SUMF1: variants seen among roughly 807,000 people sequenced by gnomAD.
The protein encoded by SUMF1 is formylglycine-generating enzyme.
A neutral mutation model predicts 47.6 loss-of-function variants in SUMF1; 48 were observed. The ratio of observed to expected loss-of-function variants is 1.01; its 90% CI spans 0.80 to 1.28. SUMF1 has a LOEUF of 1.28. SUMF1 is among the 50% of genes most tolerant of loss of function. SUMF1 has a pLI of 0.00. For missense variants in SUMF1, 571 were observed against 485.4 expected, an observed-to-expected ratio of 1.18 and a Z score of -1.66; for synonymous variants, 230 against 192.1, an observed-to-expected ratio of 1.20 and a Z score of -1.63.
At chr3:4,426,266 G>C (rs780407022) in intron 3 of SUMF1, among the ~76,000 whole-genome samples, 1 of 152,190 alleles carries the variant, frequency 6.6e-6, no homozygotes, top group Non-Finnish European at 1.5e-5. Context: ...CACTGTGATG[G>C]TCAGATGCAG....
chr3:4,091,242 T>C (rs1371577954), intron 8 of SUMF1, among the ~76,000 whole-genome samples: 1 of 152,138 alleles, frequency 6.6e-6, no homozygotes, highest in African/African-American at 2.4e-5. Context: ...TTGTAGCTTC[T>C]AAGAACCTAT....
chr3:4,453,676 G>A (rs984844682), intron 1 of SUMF1, among the ~76,000 whole-genome samples: 5 of 151,924 alleles, frequency 3.3e-5, no homozygotes, highest in Non-Finnish European at 5.9e-5. Flanking sequence ...TGGGATTACA[G>A]GCGCCCACCA....
At chr3:4,173,923 A>G (rs1694895591) in intron 8 of SUMF1, among the ~76,000 whole-genome samples, 1 of 152,156 alleles carries the variant, frequency 6.6e-6, no homozygotes, top group African/African-American at 2.4e-5. Flanking sequence ...GAAATACCTA[A>G]TGTAAGTGAC....
At chr3:4,182,215 G>A (rs1295332658) in intron 8 of SUMF1, among the ~76,000 whole-genome samples, 2 of 151,936 alleles carry the variant, frequency 1.3e-5, no homozygotes, top group Admixed American at 1.3e-4. Context: ...GATGGAATAT[G>A]TCTACATTAA....
chr3:4,328,153 G>T (rs1698982529), intron 8 of SUMF1, among the ~76,000 whole-genome samples: 1 of 152,136 alleles, frequency 6.6e-6, no homozygotes, highest in African/African-American at 2.4e-5. Flanking sequence ...GTAGGTTCAG[G>T]CTGTGATCAG....
chr3:4,044,452 C>G (rs1225705406), intron 9 of SUMF1, among the ~76,000 whole-genome samples: 1 of 152,166 alleles, frequency 6.6e-6, no homozygotes, highest in Admixed American at 6.5e-5. Context: ...TACAGGCCTA[C>G]AGAATTGGTA....
intron 8 of SUMF1, among the ~76,000 whole-genome samples, chr3:4,159,303 G>T (rs1392800798): frequency 2.1e-5 from 3 of 145,664 alleles, no homozygotes; most frequent in Admixed American, 6.8e-5. Flanking sequence ...TGCATCCATT[G>T]CATGTTTTTT....
chr3:4,375,740 T>C lies in SUMF1; in HGVS notation c.1014+590A>G, dbSNP rs76156910. Among the ~76,000 whole-genome samples, 1,137 of 152,246 alleles carry C rather than the reference T, an allele frequency of 7.5e-3. 38 individuals are homozygous for C. Among genetic ancestry groups the C allele is most frequent in the Admixed American group, 0.055 (834 of 15,276 alleles). ...CAAAGAAAAAAGGGAAGGGATGGTA[T>C]TCTATTTCCAAATTCCTTATAAAGG... On this transcript the variant is annotated intron_variant, in intron 8 of 8. Coordinates refer to ENST00000272902, the MANE Select transcript of SUMF1 (RefSeq NM_182760.4).
At position 4,362,107 on chromosome 3, in the gene SUMF1, G is replaced by T; in HGVS notation, c.*37C>A. 2 of 1,589,490 alleles carry T rather than the reference G, an allele frequency of 1.3e-6. No homozygotes were observed. The highest frequency in any genetic ancestry group is 1.3e-5 in the African/African-American group (1 of 74,526). On this transcript the variant is annotated 3_prime_UTR_variant, in exon 9 of 9. Transcript: ENST00000272902. ...GAAAAGCCCAATGTAGGTCAGACAC[G>T]ACTGCTCCTTGGACTGGGGAAGACT...
chr3:4,138,816 G>C (rs1294450693), intron 8 of SUMF1, among the ~76,000 whole-genome samples: 1 of 152,014 alleles, frequency 6.6e-6, no homozygotes, highest in East Asian at 1.9e-4. Context: ...GGTTCTGTAA[G>C]TCATTCTAGT....
rs190486632 is a variant in SUMF1, at chr3:4,283,340, C to G, written c.1014+92990G>C. On this transcript the variant is annotated intron_variant and NMD_transcript_variant, in intron 8 of 12. Transcript: ENST00000448413. ...TGTTAAAAAAGAACTATACGTTCAA[C>G]TAGAACTATTTGGCAGTCTGTGGGA... is the stretch of plus-strand genomic sequence containing the variant. Among the ~76,000 whole-genome samples the G allele has an allele frequency of 2.6e-5, 4 of 152,280 alleles. No individual in the cohort carries two copies. The South Asian group carries it at 6.2e-4, about 24-fold the overall frequency.
chr3:4,230,904 CAT>C (rs1696284319), intron 8 of SUMF1, among the ~76,000 whole-genome samples: 1 of 152,116 alleles, frequency 6.6e-6, no homozygotes, highest in Admixed American at 6.6e-5. Context: ...TATTTTATCA[CAT>C]ATGGGTTCCC....
At chr3:4,160,750 T>A (rs985922359) in intron 8 of SUMF1, among the ~76,000 whole-genome samples, 3 of 152,110 alleles carry the variant, frequency 2.0e-5, no homozygotes, top group Admixed American at 2.0e-4. Context: ...TTTCTTTGTG[T>A]TTCTTCAAAA....
intron 8 of SUMF1, among the ~76,000 whole-genome samples, chr3:4,201,609 T>A (rs996611590): frequency 9.2e-5 from 14 of 152,048 alleles, no homozygotes; most frequent in African/African-American, 3.4e-4. Context: ...AACATGGGAG[T>A]GTAGATATTG....
intron 3 of SUMF1, among the ~76,000 whole-genome samples, chr3:4,421,479 G>A (rs575479279): frequency 6.6e-6 from 1 of 152,196 alleles, no homozygotes; most frequent in South Asian, 2.1e-4. Context: ...AAGAACAGAT[G>A]TTGCAAATGA....
At chr3:4,294,508 G>C (rs539894163) in intron 8 of SUMF1, among the ~76,000 whole-genome samples, 2 of 152,276 alleles carry the variant, frequency 1.3e-5, no homozygotes, top group South Asian at 2.1e-4. Flanking sequence ...AGGCTGCAGT[G>C]AGCCTCTGAG....
chr3:4,087,943 G>T (rs920390624), intron 8 of SUMF1, among the ~76,000 whole-genome samples: 2 of 151,954 alleles, frequency 1.3e-5, no homozygotes, highest in Non-Finnish European at 2.9e-5. Flanking sequence ...TTTTTGAAGA[G>T]AAATTAATGA....
intron 8 of SUMF1, among the ~76,000 whole-genome samples, chr3:4,342,918 T>TTC (rs1237170735): frequency 6.6e-6 from 1 of 152,206 alleles, no homozygotes; most frequent in Non-Finnish European, 1.5e-5. Flanking sequence ...CTCAACATTA[T>TTC]TCAAGTCCTC....
chr3:4,333,462 T>A (rs567723868), intron 8 of SUMF1, among the ~76,000 whole-genome samples: 3 of 152,184 alleles, frequency 2.0e-5, no homozygotes, highest in Non-Finnish European at 4.4e-5. Flanking sequence ...GCATGCAATT[T>A]TTAGGGCCTA....
Sources: gnomAD v4.1 joint callset for allele counts (sites outside exome capture counted in the v4.1 genomes callset) on GRCh38, gnomAD v4.1.1 for gene constraint, MANE v1.5 for transcripts, NCBI Gene and HGNC (gene_info 2026-07-23, HGNC 2026-07-21) for gene names.